Variants in SASS6 observed in about 807,000 individuals in gnomAD.
SASS6 encodes SAS-6 centriolar assembly protein, also known as spindle assembly abnormal protein 6 homolog.
SASS6 carries 59 observed loss-of-function variants against 94.9 expected under a neutral mutation model. The observed-to-expected ratio is 0.62, with a 90% confidence interval of 0.50 to 0.77. The LOEUF (loss-of-function observed/expected upper bound fraction) is 0.77. Ranked by LOEUF, SASS6 falls within the 30% of genes least tolerant of loss-of-function variation. The probability of loss-of-function intolerance (pLI) is 0.00; values close to 1 mark genes in which losing one functional copy is unlikely to be tolerated. For synonymous variants in SASS6, 264 were observed against 270.0 expected, an observed-to-expected ratio of 0.98 and a Z score of 0.22; for missense variants, 698 against 734.1, an observed-to-expected ratio of 0.95 and a Z score of 0.57.
intron 13 of SASS6, 103 bp downstream of exon 13, chr1:100,105,664 A>T (rs1160745696): frequency 2.7e-6 from 3 of 1,094,484 alleles, no homozygotes; most frequent in Non-Finnish European, 4.0e-6. Flanking sequence ...TCCACTTTGT[A>T]TTGGTATCAG....
intron 14 of SASS6, among the ~76,000 whole-genome samples, chr1:100,093,909 G>C (rs905240374): frequency 2.6e-5 from 4 of 152,170 alleles, no homozygotes; most frequent in South Asian, 2.1e-4. Context: ...TCTTAAATCA[G>C]AACATAATCT....
At chr1:100,110,206 C>T in intron 8 of SASS6, 86 bp downstream of exon 8, 1 of 707,378 alleles carries the variant, frequency 1.4e-6, no homozygotes, top group Non-Finnish European at 2.3e-6. Flanking sequence ...TCCAGAGGAA[C>T]ACCACCCACA....
chr1:100,111,638 A>C (rs559573578), intron 7 of SASS6, among the ~76,000 whole-genome samples: 1 of 152,230 alleles, frequency 6.6e-6, no homozygotes, highest in South Asian at 2.1e-4. Context: ...TACCCATTCA[A>C]AAGTCTTAGC....
intron 7 of SASS6, among the ~76,000 whole-genome samples, chr1:100,117,285 C>T (rs1653859419): frequency 6.9e-6 from 1 of 145,010 alleles, no homozygotes; most frequent in South Asian, 2.2e-4. Context: ...GAGCGAAATT[C>T]TGTCTCAAAA....
Position 100,107,116 on chromosome 1 carries a change from T to C in SASS6, c.1327-123A>G, listed in dbSNP as rs932001877. ...TACTACTACTATTATTAAATGAGAATAAAGGAATTAGCTCAATTATGTAAT... is the reference window on the plus strand; with the variant it reads ...TACTACTACTATTATTAAATGAGAACAAAGGAATTAGCTCAATTATGTAAT... On this transcript the variant is annotated intron_variant, in intron 11 of 16. Transcript: ENST00000287482. 5 of 612,158 alleles carry C rather than the reference T, an allele frequency of 8.2e-6. No homozygotes were observed. In the African/African-American group the frequency reaches 9.3e-5, roughly 11 times the overall value. 37.9% of individuals were successfully genotyped at this position (612,158 alleles called of 1,614,324 possible).
At chr1:100,086,616 A>C (rs1017152826) in intron 15 of SASS6, among the ~76,000 whole-genome samples, 7 of 151,808 alleles carry the variant, frequency 4.6e-5, no homozygotes, top group African/African-American at 1.7e-4. Context: ...TCCCAGGCTC[A>C]AGTGATCCCT....
chr1:100,103,171 ATAAC>A (rs1652629973), intron 13 of SASS6, 88 bp from the exon 14 acceptor site: 1 of 767,060 alleles, frequency 1.3e-6, no homozygotes, highest in East Asian at 2.8e-5. Flanking sequence ...ATCTGTTATA[ATAAC>A]TAATAATTAA....
At chr1:100,100,250 A>T (rs1035947588) in intron 14 of SASS6, among the ~76,000 whole-genome samples, 13 of 152,216 alleles carry the variant, frequency 8.5e-5, no homozygotes, top group Non-Finnish European at 1.6e-4. Context: ...TTGGTGACAG[A>T]GTGAGACTCT....
At chr1:100,098,747 T>C (rs1009946969) in intron 14 of SASS6, among the ~76,000 whole-genome samples, 4 of 152,256 alleles carry the variant, frequency 2.6e-5, no homozygotes, top group African/African-American at 7.2e-5. Context: ...TATGAAGTCA[T>C]TAAAAAGAAA....
At chr1:100,130,505 A>AC (rs1654924437) in intron 1 of SASS6, among the ~76,000 whole-genome samples, 2 of 151,912 alleles carry the variant, frequency 1.3e-5, no homozygotes, top group Non-Finnish European at 2.9e-5. Context: ...ATACAGGGAG[A>AC]CCCCGTCTCT....
At chr1:100,112,495 G>A (rs528594634) in intron 7 of SASS6, among the ~76,000 whole-genome samples, 25 of 152,026 alleles carry the variant, frequency 1.6e-4, no homozygotes, top group Non-Finnish European at 2.1e-4. Context: ...GAGGTATAAA[G>A]AAAACATGAG....
intron 7 of SASS6, among the ~76,000 whole-genome samples, chr1:100,115,748 A>G (rs1653756474): frequency 6.6e-6 from 1 of 152,166 alleles, no homozygotes; most frequent in South Asian, 2.1e-4. Context: ...GGATCGCTGG[A>G]GGTTGAGGCT....
intron 1 of SASS6, among the ~76,000 whole-genome samples, chr1:100,130,288 G>T (rs1030041487): frequency 1.3e-5 from 2 of 152,182 alleles, no homozygotes; most frequent in Non-Finnish European, 2.9e-5. Context: ...GGGACGGAGA[G>T]GGGGGTGCGT....
chr1:100,102,840 C>T (rs747075874), intron 14 of SASS6, 115 bp downstream of exon 14: 1 of 748,574 alleles, frequency 1.3e-6, no homozygotes, highest in East Asian at 2.5e-5. Context: ...TAATACACTA[C>T]CTACTACTTA....
At chr1:100,118,995 T>C (rs373480390) in intron 7 of SASS6, 23 bp downstream of exon 7, 127 of 1,479,124 alleles carry the variant, frequency 8.6e-5, no homozygotes, top group Non-Finnish European at 1.1e-4. Flanking sequence ...AGATATTTTT[T>C]CAGTTTCCTT....
chr1:100,120,596 A>G (rs1654117086), intron 5 of SASS6, 137 bp from the exon 6 acceptor site: 1 of 557,664 alleles, frequency 1.8e-6, no homozygotes, highest in Non-Finnish European at 3.2e-6. Context: ...AATCTAAATC[A>G]TTTTAACAAG....
At chr1:100,130,381 A>G (rs1478998154) in intron 1 of SASS6, among the ~76,000 whole-genome samples, 1 of 152,124 alleles carries the variant, frequency 6.6e-6, no homozygotes, top group African/African-American at 2.4e-5. Context: ...GGCCTCAAAT[A>G]CTCAACCAAG....
At chr1:100,090,546 G>A (rs1164750657) in intron 14 of SASS6, among the ~76,000 whole-genome samples, 1 of 152,152 alleles carries the variant, frequency 6.6e-6, no homozygotes, top group Admixed American at 6.5e-5. Context: ...AGAAGTGCCA[G>A]AGGTAATGGT....
At chr1:100,100,031 C>T (rs529035936) in intron 14 of SASS6, among the ~76,000 whole-genome samples, 7 of 152,158 alleles carry the variant, frequency 4.6e-5, no homozygotes, top group South Asian at 2.1e-4. Flanking sequence ...CTTGGGAGGC[C>T]GAGGCAGGTG....
Sources: gnomAD v4.1 joint callset for allele counts (sites outside exome capture counted in the v4.1 genomes callset) on GRCh38, gnomAD v4.1.1 for gene constraint, MANE v1.5 for transcripts, NCBI Gene and HGNC (gene_info 2026-07-23, HGNC 2026-07-21) for gene names.